Variants in FER1L6 observed in about 807,000 individuals in gnomAD.
The protein encoded by FER1L6 is fer-1 like family member 6.
A neutral mutation model predicts 219.2 loss-of-function variants in FER1L6; 177 were observed. The ratio of observed to expected loss-of-function variants is 0.81; its 90% CI spans 0.71 to 0.91. The LOEUF (loss-of-function observed/expected upper bound fraction) is 0.91, where lower values mean the gene tolerates loss of function less well. Ranked by LOEUF, FER1L6 falls within the 40% of genes least tolerant of loss-of-function variation. FER1L6 has a pLI of 0.00. For synonymous variants in FER1L6, 768 were observed against 824.3 expected (o/e 0.93, Z 1.17); for missense variants, 2,153 against 2,259.9 (o/e 0.95, Z 0.96).
At chr8:123,999,900 C>T (rs916433457) in intron 12 of FER1L6, among the ~76,000 whole-genome samples, 1 of 152,130 alleles carries the variant, frequency 6.6e-6, no homozygotes, top group Non-Finnish European at 1.5e-5. Context: ...TTATGTCTCA[C>T]TAGGGCATGT....
chr8:124,057,544 G>A (rs1820358320), intron 22 of FER1L6, among the ~76,000 whole-genome samples: 1 of 152,074 alleles, frequency 6.6e-6, no homozygotes, highest in South Asian at 2.1e-4. Flanking sequence ...TCTATTCAAA[G>A]ATTGCTTCTG....
intron 14 of FER1L6, among the ~76,000 whole-genome samples, chr8:124,012,875 T>C (rs1818006878): frequency 6.6e-6 from 1 of 152,206 alleles, no homozygotes; most frequent in African/African-American, 2.4e-5. Flanking sequence ...CTAAATAGAA[T>C]TCTAGAATTT....
chr8:123,916,856 G>A lies in FER1L6; in HGVS notation c.-7-39136G>A, dbSNP rs11997661. Among the ~76,000 whole-genome samples, 1,189 of 152,258 alleles carry A rather than the reference G, an allele frequency of 7.8e-3. 19 individuals are homozygous for A. The highest frequency in any genetic ancestry group is 0.028 in the African/African-American group (1,153 of 41,536). ...TGTCTGGTTTAGCAGGAGGTCCAGG[G>A]CTCTGCAGTAGCACCACGGCTGGGG... On this transcript the variant is annotated intron_variant, in intron 1 of 40. Coordinates refer to ENST00000522917, the MANE Select transcript of FER1L6 (RefSeq NM_001039112.2).
intron 39 of FER1L6, among the ~76,000 whole-genome samples, chr8:124,108,033 ACAGCCC>A (rs1822850699): frequency 6.6e-6 from 1 of 152,218 alleles, no homozygotes; most frequent in African/African-American, 2.4e-5. Flanking sequence ...CCACCCTAGA[ACAGCCC>A]CAGGTCAGCA....
chr8:123,928,002 GAGTT>G (rs1813630449), intron 1 of FER1L6, among the ~76,000 whole-genome samples: 1 of 152,224 alleles, frequency 6.6e-6, no homozygotes, highest in African/African-American at 2.4e-5. Flanking sequence ...ATGATTGTAA[GAGTT>G]AGGATGTTAA....
chr8:124,024,343 C>T (rs1018031103), intron 18 of FER1L6, among the ~76,000 whole-genome samples: 9 of 152,050 alleles, frequency 5.9e-5, no homozygotes, highest in East Asian at 1.9e-4. Context: ...TTTTGTCCCT[C>T]ATCCCCATCC....
At chr8:124,046,959 A>G (rs1426443096) in intron 21 of FER1L6, among the ~76,000 whole-genome samples, 2 of 152,148 alleles carry the variant, frequency 1.3e-5, no homozygotes, top group Non-Finnish European at 2.9e-5. Flanking sequence ...CCATTCCCCT[A>G]TCTATAAATT....
At chr8:124,094,661 A>AT (rs1450171327) in intron 34 of FER1L6, among the ~76,000 whole-genome samples, 2 of 151,882 alleles carry the variant, frequency 1.3e-5, no homozygotes, top group African/African-American at 4.8e-5. Context: ...AATTTTTTGT[A>AT]TTTTTAGTAG....
intron 1 of FER1L6, among the ~76,000 whole-genome samples, chr8:123,911,219 G>A (rs1187522582): frequency 6.6e-6 from 1 of 152,112 alleles, no homozygotes; most frequent in Admixed American, 6.5e-5. Context: ...ACAGAAGAAA[G>A]TTAACACATT....
chr8:124,064,694 C>T (rs1003723025), intron 26 of FER1L6, 121 bp downstream of exon 26: 17 of 826,120 alleles, frequency 2.1e-5, no homozygotes, highest in South Asian at 8.1e-5. Context: ...TTCTGAGTAT[C>T]GGTTCATCCT....
intron 1 of FER1L6, among the ~76,000 whole-genome samples, chr8:123,861,850 G>C (rs1305160659): frequency 1.4e-5 from 2 of 139,964 alleles, no homozygotes; most frequent in Non-Finnish European, 3.0e-5. Flanking sequence ...CTTTGCTGAA[G>C]TTGCTTATCA....
intron 18 of FER1L6, among the ~76,000 whole-genome samples, chr8:124,028,931 T>C (rs1715713117): frequency 6.6e-6 from 1 of 152,136 alleles, no homozygotes; most frequent in Non-Finnish European, 1.5e-5. Context: ...ATGGTCTCCC[T>C]CCCCTTGTCC....
chr8:123,965,728 T>C (rs749286095), intron 3 of FER1L6, among the ~76,000 whole-genome samples: 3 of 152,198 alleles, frequency 2.0e-5, no homozygotes, highest in Non-Finnish European at 4.4e-5. Context: ...TAAAAAGAGC[T>C]GACATTTATT....
At chr8:124,065,819 A>T (rs1422737049) in intron 26 of FER1L6, among the ~76,000 whole-genome samples, 1 of 152,116 alleles carries the variant, frequency 6.6e-6, no homozygotes, top group African/African-American at 2.4e-5. Flanking sequence ...CCAGCAGGAC[A>T]CCCGTCTTCT....
intron 21 of FER1L6, among the ~76,000 whole-genome samples, chr8:124,047,318 G>A (rs909463561): frequency 2.0e-5 from 3 of 152,176 alleles, no homozygotes; most frequent in African/African-American, 4.8e-5. Flanking sequence ...ACCTCTGAAC[G>A]CCTCATGCCT....
At chr8:123,995,720 G>T (rs1334777691) in intron 12 of FER1L6, among the ~76,000 whole-genome samples, 1 of 151,946 alleles carries the variant, frequency 6.6e-6, no homozygotes, top group East Asian at 1.9e-4. Context: ...GAATTTGTTT[G>T]CTCTTGCTTT....
intron 33 of FER1L6, among the ~76,000 whole-genome samples, chr8:124,090,625 AAATTCTGATGAACT>A (rs1821989044): frequency 6.6e-6 from 1 of 152,194 alleles, no homozygotes; most frequent in Non-Finnish European, 1.5e-5. Flanking sequence ...TGATTTGTTT[AAATTCTGATGAACT>A]CAGTGTCCCA....
intron 1 of FER1L6, among the ~76,000 whole-genome samples, chr8:123,946,023 G>C (rs1814470496): frequency 6.6e-6 from 1 of 152,162 alleles, no homozygotes; most frequent in Non-Finnish European, 1.5e-5. Context: ...GGGATTCAAA[G>C]TGTATCTGTT....
chr8:123,874,441 G>A (rs561861502), intron 1 of FER1L6, among the ~76,000 whole-genome samples: 3 of 152,262 alleles, frequency 2.0e-5, no homozygotes, highest in East Asian at 3.9e-4. Flanking sequence ...AATCATGCAT[G>A]TGCACTACTA....
Sources: allele counts gnomAD v4.1 joint callset (sites outside exome capture counted in the v4.1 genomes callset), GRCh38; gene constraint gnomAD v4.1.1; transcripts MANE v1.5; gene names NCBI Gene and HGNC (gene_info 2026-07-23, HGNC 2026-07-21).